PCDH9: variants seen among roughly 807,000 people sequenced by gnomAD.
PCDH9 encodes the protein protocadherin-9.
Under a neutral mutation model 70.6 loss-of-function variants are expected in PCDH9, and 24 were observed. The ratio of observed to expected loss-of-function variants is 0.34; its 90% CI spans 0.25 to 0.48. The LOEUF is 0.48. Ranked by LOEUF, PCDH9 falls within the 20% of genes least tolerant of loss-of-function variation. PCDH9 has a pLI of 0.99. For synonymous variants in PCDH9, 562 were observed against 558.5 expected (o/e 1.01, Z -0.09); for missense variants, 1,281 against 1,503.6 (o/e 0.85, Z 2.45).
chr13:66,425,123 C>T (rs1168570582), intron 4 of PCDH9, among the ~76,000 whole-genome samples: 1 of 151,814 alleles, frequency 6.6e-6, no homozygotes, highest in African/African-American at 2.4e-5. Context: ...ATGACACTTT[C>T]TGTTGCACAC....
At chr13:66,727,310 C>T (rs531574312) in intron 3 of PCDH9, among the ~76,000 whole-genome samples, 8 of 151,932 alleles carry the variant, frequency 5.3e-5, no homozygotes, top group Admixed American at 2.0e-4. Flanking sequence ...TTAATAAGAT[C>T]GTAATTTACA....
At chr13:67,143,008 C>T (rs1168238168) in intron 2 of PCDH9, among the ~76,000 whole-genome samples, 1 of 147,534 alleles carries the variant, frequency 6.8e-6, no homozygotes, top group Non-Finnish European at 1.5e-5. Flanking sequence ...GACTACGTAT[C>T]AAAAAAAAGA....
At chr13:66,739,827 C>G (rs1419050048) in intron 3 of PCDH9, among the ~76,000 whole-genome samples, 1 of 123,014 alleles carries the variant, frequency 8.1e-6, no homozygotes, top group African/African-American at 3.1e-5. Flanking sequence ...ACAGGAGCAC[C>G]CAGATTCATA....
At chr13:66,842,618 C>T in intron 3 of PCDH9, among the ~76,000 whole-genome samples, 1 of 152,186 alleles carries the variant, frequency 6.6e-6, no homozygotes, top group East Asian at 1.9e-4. Context: ...CATAAAATTA[C>T]TTCCAATTTG....
At chr13:66,378,660 T>G (rs944859122) in intron 4 of PCDH9, among the ~76,000 whole-genome samples, 1 of 152,250 alleles carries the variant, frequency 6.6e-6, no homozygotes, top group African/African-American at 2.4e-5. Context: ...TAGTTATTCT[T>G]GTAAATAAGT....
intron 3 of PCDH9, among the ~76,000 whole-genome samples, chr13:66,789,875 G>A (rs1191991377): frequency 6.6e-6 from 1 of 152,070 alleles, no homozygotes; most frequent in African/African-American, 2.4e-5. Context: ...ACAAATAAGT[G>A]AGCAGTGTAC....
At chr13:66,676,608 C>A (rs1776727814) in intron 3 of PCDH9, among the ~76,000 whole-genome samples, 1 of 152,026 alleles carries the variant, frequency 6.6e-6, no homozygotes, top group African/African-American at 2.4e-5. Context: ...CGCCTGTTAC[C>A]CCCAAAACAG....
intron 2 of PCDH9, among the ~76,000 whole-genome samples, chr13:67,038,266 A>G (rs769043768): frequency 1.3e-5 from 2 of 152,230 alleles, no homozygotes; most frequent in Non-Finnish European, 2.9e-5. Context: ...GGATCCCAGT[A>G]TAAGAAATCA....
chr13:66,623,397 C>A (rs2077456092), intron 4 of PCDH9, among the ~76,000 whole-genome samples: 1 of 151,786 alleles, frequency 6.6e-6, no homozygotes, highest in Admixed American at 6.6e-5. Flanking sequence ...CTCCTGAGTT[C>A]ATATTTTGGG....
chr13:66,789,861 T>C (rs2080137018), intron 3 of PCDH9, among the ~76,000 whole-genome samples: 1 of 152,176 alleles, frequency 6.6e-6, no homozygotes, highest in Admixed American at 6.6e-5. Flanking sequence ...TTACTTGGTG[T>C]CTAACAAATA....
chr13:66,481,124 G>T, intron 4 of PCDH9, among the ~76,000 whole-genome samples: 1 of 151,936 alleles, frequency 6.6e-6, no homozygotes, highest in East Asian at 1.9e-4. Context: ...TGGACACAAA[G>T]AGGGGAACAT....
At chr13:67,017,118 C>T (rs923292897) in intron 2 of PCDH9, among the ~76,000 whole-genome samples, 2 of 152,154 alleles carry the variant, frequency 1.3e-5, no homozygotes, top group East Asian at 1.9e-4. Context: ...GTGTATCATA[C>T]ATAGGCCAGA....
chr13:67,157,451 AATT>A (rs1472371908), intron 2 of PCDH9, among the ~76,000 whole-genome samples: 24 of 152,216 alleles, frequency 1.6e-4, no homozygotes, highest in African/African-American at 5.8e-4. Flanking sequence ...CAAGTTTAAG[AATT>A]ATTATTTCCT....
intron 3 of PCDH9, among the ~76,000 whole-genome samples, chr13:66,796,204 G>T (rs147603728): frequency 6.6e-6 from 1 of 152,212 alleles, no homozygotes; most frequent in Non-Finnish European, 1.5e-5. Context: ...GCCCATTCCT[G>T]ATCCATTTGA....
At chr13:67,037,988 T>C (rs1372963863) in intron 2 of PCDH9, among the ~76,000 whole-genome samples, 2 of 152,136 alleles carry the variant, frequency 1.3e-5, no homozygotes, top group African/African-American at 4.8e-5. Flanking sequence ...GTATAAAACA[T>C]TTTTTGGTAA....
At chr13:66,309,834 CAT>C (rs1312401768) in intron 4 of PCDH9, among the ~76,000 whole-genome samples, 2 of 151,472 alleles carry the variant, frequency 1.3e-5, no homozygotes, top group East Asian at 3.9e-4. Context: ...CATGTGTAAT[CAT>C]GTGCATCTGT....
chr13:66,874,586 A>G (rs1164636446), intron 3 of PCDH9, among the ~76,000 whole-genome samples: 2 of 152,178 alleles, frequency 1.3e-5, no homozygotes, highest in Non-Finnish European at 2.9e-5. Flanking sequence ...TTCTCTTGAC[A>G]TAGCTTTCAC....
At position 66,329,782 on chromosome 13, in the gene PCDH9, G is replaced by A. The variant is rs988084919; in HGVS notation, c.3341-24754C>T. Among the ~76,000 whole-genome samples the A allele has an allele frequency of 5.3e-5, 8 of 152,048 alleles. No homozygotes were observed. In the East Asian group the frequency reaches 1.3e-3, roughly 26 times the overall value. ...TAAATGTAATTGTACACAGGTAGGCGGAATGGAAAGTATAAAAATAGGCCT... is the reference window on the plus strand; with the variant it reads ...TAAATGTAATTGTACACAGGTAGGCAGAATGGAAAGTATAAAAATAGGCCT... On this transcript the variant is annotated intron_variant, in intron 4 of 4. Transcript: ENST00000377865.
intron 2 of PCDH9, among the ~76,000 whole-genome samples, chr13:67,085,360 A>T (rs1009469578): frequency 6.6e-6 from 1 of 152,162 alleles, no homozygotes; most frequent in Non-Finnish European, 1.5e-5. Context: ...TAATAGGAAG[A>T]AAAGGAAAGA....
Sources: gnomAD v4.1 joint callset for allele counts (sites outside exome capture counted in the v4.1 genomes callset) on GRCh38, gnomAD v4.1.1 for gene constraint, MANE v1.5 for transcripts, NCBI Gene and HGNC (gene_info 2026-07-23, HGNC 2026-07-21) for gene names.